The following TDRD5 variants were observed in gnomAD, a reference collection of about 807,000 sequenced individuals.
TDRD5 encodes tudor domain-containing protein 5.
In TDRD5, 41 loss-of-function variants were observed where a neutral mutation model predicts 120.6. That is an observed-to-expected ratio of 0.34 (90% CI 0.26 to 0.44). The LOEUF is 0.44. Among genes scored for constraint, TDRD5 ranks in the 20% least tolerant of loss-of-function variants. TDRD5 has a pLI of 1.00. For missense variants in TDRD5, 1,006 were observed against 1,221.2 expected (o/e 0.82, Z 2.63); for synonymous variants, 430 against 433.7 (o/e 0.99, Z 0.11).
intron 13 of TDRD5, 138 bp downstream of exon 13, chr1:179,652,335 A>G: frequency 1.2e-6 from 1 of 856,184 alleles, no homozygotes; most frequent in Non-Finnish European, 1.8e-6. Context: ...TTGTCTCTTT[A>G]TTTGCTGGCT....
intron 4 of TDRD5, among the ~76,000 whole-genome samples, chr1:179,605,244 A>ACTTT (rs1403947704): frequency 1.3e-5 from 2 of 151,870 alleles, no homozygotes; most frequent in Non-Finnish European, 2.9e-5. Flanking sequence ...CCACCCCTTT[A>ACTTT]CTTTAAGTTA....
At chr1:179,636,054 T>A (rs1677751056) in intron 9 of TDRD5, among the ~76,000 whole-genome samples, 167 bp downstream of exon 9, 1 of 152,174 alleles carries the variant, frequency 6.6e-6, no homozygotes, top group Non-Finnish European at 1.5e-5. Context: ...TTAAAATAAT[T>A]CTCGTGTTAA....
intron 11 of TDRD5, among the ~76,000 whole-genome samples, chr1:179,648,947 T>C (rs1282033341): frequency 1.3e-5 from 2 of 152,170 alleles, no homozygotes; most frequent in Non-Finnish European, 2.9e-5. Context: ...TCTGAAAATA[T>C]CATTTATTTT....
In TDRD5 at chr1:179,599,728, T is replaced by C. The variant is rs991385965; in HGVS notation, c.831+3910T>C. On this transcript the variant is annotated intron_variant, in intron 4 of 17. Transcript: ENST00000444136. ...ATACACATATCAGTCTCACTAAAGATTTATTCACTTATACACAGTCATGCA... is the reference window on the plus strand; with the variant it reads ...ATACACATATCAGTCTCACTAAAGACTTATTCACTTATACACAGTCATGCA... Among the ~76,000 whole-genome samples, 3 of 152,124 alleles carry C rather than the reference T, an allele frequency of 2.0e-5. No individual in the cohort carries two copies. The South Asian group carries it at 6.2e-4, about 32-fold the overall frequency.
chr1:179,679,409 CTATTAA>C (rs1412700996), intron 17 of TDRD5, among the ~76,000 whole-genome samples: 2 of 151,998 alleles, frequency 1.3e-5, no homozygotes, highest in African/African-American at 2.4e-5. Flanking sequence ...TCCTCCTCTT[CTATTAA>C]TATTGTCTGG....
intron 16 of TDRD5, 99 bp from the exon 17 acceptor site, chr1:179,669,095 T>C (rs1191184180): frequency 9.2e-7 from 1 of 1,086,874 alleles, no homozygotes; most frequent in Admixed American, 2.4e-5. Flanking sequence ...TATTATAATA[T>C]GGAAATATTT....
chr1:179,660,056 T>C (rs7540303), intron 14 of TDRD5, among the ~76,000 whole-genome samples: 57,345 of 151,826 alleles, frequency 0.38, 10,879 homozygotes, highest in East Asian at 0.47. Flanking sequence ...TGGTTTGGAC[T>C]ATTTATGTTT....
intron 4 of TDRD5, among the ~76,000 whole-genome samples, chr1:179,609,467 T>C (rs944515541): frequency 5.3e-5 from 8 of 152,274 alleles, no homozygotes; most frequent in Middle Eastern, 3.4e-3. Context: ...CATTGAAAGA[T>C]TGGGATTTGG....
chr1:179,663,171 A>G (rs957395850), intron 15 of TDRD5, among the ~76,000 whole-genome samples, 177 bp from the exon 16 acceptor site: 2 of 152,254 alleles, frequency 1.3e-5, no homozygotes, highest in East Asian at 1.9e-4. Context: ...TTCAGAGTTC[A>G]AGATACTGGG....
intron 5 of TDRD5, among the ~76,000 whole-genome samples, chr1:179,619,746 C>T (rs542613345): frequency 7.9e-5 from 12 of 151,978 alleles, no homozygotes; most frequent in African/African-American, 1.9e-4. Context: ...ATCAGCCTCC[C>T]GAGTAGCTGG....
chr1:179,594,744 T>C (rs547824046), intron 3 of TDRD5, among the ~76,000 whole-genome samples: 81 of 152,358 alleles, frequency 5.3e-4, no homozygotes, highest in Non-Finnish European at 1.1e-3. Flanking sequence ...TAAACCAATA[T>C]TTACACTGTG....
intron 14 of TDRD5, among the ~76,000 whole-genome samples, chr1:179,656,778 G>A (rs6700449): frequency 0.17 from 26,524 of 152,120 alleles, 2,986 homozygotes; most frequent in Non-Finnish European, 0.24. Flanking sequence ...TGGGCTGGGC[G>A]CAGTGGCTCA....
rs150467055 is a variant in TDRD5, at chr1:179,661,597, C to T, written c.2323-507C>T. ...CTCAGTTTTACCCTCCAGAATATTT[C>T]TGGTCTTCTGACAGATAGAAGAGAT... On this transcript the variant is annotated intron_variant, in intron 14 of 17. Transcript: ENST00000444136. Among the ~76,000 whole-genome samples, 247 of 152,158 alleles carry T rather than the reference C, an allele frequency of 1.6e-3. 2 individuals are homozygous for T. Among genetic ancestry groups the T allele is most frequent in the African/African-American group, 5.8e-3 (242 of 41,524 alleles).
In TDRD5 at chr1:179,639,729, ATTTTC is replaced by A. The variant is rs1010745017; in HGVS notation, c.1521-101_1521-97del. The A allele has an allele frequency of 8.6e-5, 98 of 1,145,950 alleles. 1 individual carries two copies. Among genetic ancestry groups the A allele is most frequent in the African/African-American group, 7.8e-4 (50 of 64,050 alleles). The allele number at this position is 1,145,950 out of a possible 1,614,324, so 71.0% of individuals were successfully genotyped here. ...GAGCATTAACAATTTGACAAAGTCA[ATTTTC>A]TTTTCTTTGCTTTTTGCCAAGACTT... On this transcript the variant is annotated intron_variant, in intron 9 of 17. Transcript: ENST00000444136.
At chr1:179,608,580 T>C (rs1676111985) in intron 4 of TDRD5, among the ~76,000 whole-genome samples, 1 of 152,188 alleles carries the variant, frequency 6.6e-6, no homozygotes, top group South Asian at 2.1e-4. Context: ...AGATGTTGCA[T>C]TTTTAATCTT....
intron 4 of TDRD5, among the ~76,000 whole-genome samples, chr1:179,598,071 A>G (rs1454388166): frequency 6.6e-6 from 1 of 152,222 alleles, no homozygotes; most frequent in Admixed American, 6.5e-5. Context: ...ATAGCCTACT[A>G]CACACCTAGG....
At chr1:179,621,697 T>G (rs1676853300) in intron 6 of TDRD5, among the ~76,000 whole-genome samples, 1 of 152,108 alleles carries the variant, frequency 6.6e-6, no homozygotes, top group Non-Finnish European at 1.5e-5. Context: ...TAATGTTGAG[T>G]GAAAAAAATC....
chr1:179,626,525 C>T (rs1037848386), intron 6 of TDRD5, among the ~76,000 whole-genome samples: 12 of 152,060 alleles, frequency 7.9e-5, no homozygotes, highest in South Asian at 2.1e-4. Context: ...CATTTCACTG[C>T]GTGTAAATTT....
intron 5 of TDRD5, among the ~76,000 whole-genome samples, chr1:179,619,007 G>A (rs1676707882): frequency 6.6e-6 from 1 of 151,670 alleles, no homozygotes; most frequent in Non-Finnish European, 1.5e-5. Flanking sequence ...TTGTTCCAAT[G>A]TGTGTTATCC....
Sources: gnomAD v4.1 joint callset for allele counts (sites outside exome capture counted in the v4.1 genomes callset) on GRCh38, gnomAD v4.1.1 for gene constraint, MANE v1.5 for transcripts, NCBI Gene and HGNC (gene_info 2026-07-23, HGNC 2026-07-21) for gene names.